The following CCDC3 variants were observed in gnomAD, a reference collection of about 807,000 sequenced individuals.
CCDC3 encodes the protein coiled-coil domain containing 3.
Under a neutral mutation model 21.4 loss-of-function variants are expected in CCDC3, and 24 were observed. The observed-to-expected ratio is 1.12, with a 90% CI of 0.81 to 1.58. The LOEUF (loss-of-function observed/expected upper bound fraction) is 1.58, where lower values mean the gene tolerates loss of function less well. CCDC3 is among the 40% of genes most tolerant of loss of function. The pLI is 0.00. For synonymous variants in CCDC3, 186 were observed against 166.0 expected (o/e 1.12, Z -0.93); for missense variants, 425 against 360.9 (o/e 1.18, Z -1.44).
chr10:13,045,305 G>C lies in CCDC3; in HGVS notation c.-2+4369C>G, dbSNP rs531021534. On this transcript the variant is annotated intron_variant, in intron 5 of 6. Coordinates refer to the CCDC3 transcript ENST00000378839. ...TCTCTGGACTGAATTACCATTATAG[G>C]TAGTGTTAATATGCAATTTATCAAA... Among the ~76,000 whole-genome samples, 5 of 152,248 alleles carry C rather than the reference G, an allele frequency of 3.3e-5. No homozygotes were observed. In the East Asian group the frequency reaches 7.7e-4, roughly 23 times the overall value.
intron 3 of CCDC3, among the ~76,000 whole-genome samples, chr10:13,080,856 G>T (rs923417971): frequency 2.0e-5 from 3 of 152,270 alleles, no homozygotes; most frequent in Admixed American, 6.5e-5. Context: ...GACAGTGGGG[G>T]CTTGGGCAGG....
In CCDC3 at chr10:13,040,755, G is replaced by A. The variant is rs530936033; in HGVS notation, c.-2+8919C>T. ...GTAAACAGCTGGAGCCAACCAATGA[G>A]GACAGGTAAGATAAATTCCAGGTTA... On this transcript the variant is annotated intron_variant, in intron 5 of 6. Transcript: ENST00000378839. Among the ~76,000 whole-genome samples, 118 of 151,110 alleles carry A rather than the reference G, an allele frequency of 7.8e-4. 1 individual carries two copies. The highest frequency in any genetic ancestry group is 2.5e-3 in the African/African-American group (104 of 40,954).
Position 12,950,031 on chromosome 10 carries a change from C to T in CCDC3, c.549+48307G>A, listed in dbSNP as rs371066896. On this transcript the variant is annotated intron_variant, in intron 2 of 2. Transcript: ENST00000378825. ...CACCTGTCACATCCAAGCCCATCAT[C>T]ACCTCCTGTGCTCATCTCTGCTGTC... Among the ~76,000 whole-genome samples the T allele has an allele frequency of 4.6e-4, 70 of 152,342 alleles. 1 individual carries two copies. Among genetic ancestry groups the T allele is most frequent in the African/African-American group, 1.6e-3 (68 of 41,580 alleles).
At chr10:12,984,291 A>G (rs1835553558) in intron 2 of CCDC3, among the ~76,000 whole-genome samples, 2 of 152,248 alleles carry the variant, frequency 1.3e-5, no homozygotes, top group South Asian at 4.1e-4. Flanking sequence ...AATGCCCAAT[A>G]AGCACCGTAA....
intron 5 of CCDC3, among the ~76,000 whole-genome samples, chr10:13,046,720 A>G (rs540518929): frequency 0.025 from 3,578 of 145,022 alleles, 79 homozygotes; most frequent in South Asian, 0.073. Flanking sequence ...AAAAAAAAAA[A>G]AAGAAGAAGA....
chr10:13,037,064 C>G (rs1295017937), intron 5 of CCDC3, among the ~76,000 whole-genome samples: 1 of 151,694 alleles, frequency 6.6e-6, no homozygotes, highest in Non-Finnish European at 1.5e-5. Flanking sequence ...GGATTATAGG[C>G]ATGAGTCACT....
intron 3 of CCDC3, among the ~76,000 whole-genome samples, chr10:13,082,301 C>T (rs1837051159): frequency 6.6e-6 from 1 of 152,228 alleles, no homozygotes; most frequent in Admixed American, 6.5e-5. Context: ...GACAGGCGGC[C>T]CTTCCCTGTT....
intron 4 of CCDC3, among the ~76,000 whole-genome samples, chr10:13,054,466 T>A (rs192806547): frequency 6.6e-6 from 1 of 152,188 alleles, no homozygotes. Context: ...TGCATTTCTG[T>A]CTCCCTCTGC....
chr10:13,040,213 C>T (rs1182592069), intron 5 of CCDC3, among the ~76,000 whole-genome samples: 2 of 152,038 alleles, frequency 1.3e-5, no homozygotes, highest in Non-Finnish European at 2.9e-5. Flanking sequence ...AAGTTTTTCA[C>T]GATACCCAGA....
At chr10:13,080,929 AG>A (rs1177551970) in intron 3 of CCDC3, among the ~76,000 whole-genome samples, 4 of 152,236 alleles carry the variant, frequency 2.6e-5, no homozygotes, top group Non-Finnish European at 5.9e-5. Context: ...CGAAACGCAC[AG>A]GGGTGATGAG....
rs138985053 is a variant in CCDC3 at position 12,937,081 on chromosome 10, G to T, written c.550-38402C>A. Among the ~76,000 whole-genome samples, 74 of 150,570 alleles carry T rather than the reference G, an allele frequency of 4.9e-4. No homozygotes were observed. The East Asian group carries it at 8.6e-3, about 17-fold the overall frequency. ...AACTCACAAAAGCCTAAGCCTGGGG[G>T]CCGGCCAATGGCTGGGTCCCTGTGG... On this transcript the variant is annotated intron_variant, in intron 2 of 2. Coordinates refer to ENST00000378825, the MANE Select transcript of CCDC3 (RefSeq NM_031455.4).
intron 4 of CCDC3, among the ~76,000 whole-genome samples, chr10:13,060,307 G>T (rs916348919): frequency 6.6e-6 from 1 of 152,134 alleles, no homozygotes; most frequent in African/African-American, 2.4e-5. Context: ...CAGGGAAGGG[G>T]ATTGGCTCTC....
intron 3 of CCDC3, among the ~76,000 whole-genome samples, chr10:13,090,024 T>G (rs1279514288): frequency 6.8e-6 from 1 of 146,322 alleles, no homozygotes; most frequent in Non-Finnish European, 1.5e-5. Context: ...GGCTGAGTAG[T>G]ATTCCGTTAG....
At chr10:13,093,410 G>A (rs1001278112) in intron 3 of CCDC3, among the ~76,000 whole-genome samples, 5 of 152,026 alleles carry the variant, frequency 3.3e-5, no homozygotes, top group South Asian at 2.1e-4. Flanking sequence ...CACAACACAC[G>A]GGAATTATGG....
chr10:12,946,895 T>C (rs773335546), intron 2 of CCDC3, among the ~76,000 whole-genome samples: 3 of 152,176 alleles, frequency 2.0e-5, no homozygotes, highest in Non-Finnish European at 4.4e-5. Flanking sequence ...AAAGATCCTG[T>C]CACTACATTC....
At chr10:13,093,402 C>T (rs947267219) in intron 3 of CCDC3, among the ~76,000 whole-genome samples, 2 of 152,114 alleles carry the variant, frequency 1.3e-5, no homozygotes, top group Admixed American at 1.3e-4. Flanking sequence ...GTCCCTCCCA[C>T]AACACACGGG....
chr10:13,031,825 G>A (rs1836308284), intron 5 of CCDC3, among the ~76,000 whole-genome samples: 1 of 152,082 alleles, frequency 6.6e-6, no homozygotes, highest in African/African-American at 2.4e-5. Flanking sequence ...TCAATAACAG[G>A]CTCTGAAATT....
chr10:12,971,266 C>T (rs11258095), intron 2 of CCDC3, among the ~76,000 whole-genome samples: 55,678 of 152,002 alleles, frequency 0.37, 10,879 homozygotes, highest in East Asian at 0.52. Context: ...GGGCATCGTG[C>T]GCAGCTGAAA....
chr10:13,093,027 T>A (rs1325403568), intron 3 of CCDC3, among the ~76,000 whole-genome samples: 1 of 37,532 alleles, frequency 2.7e-5, no homozygotes, highest in African/African-American at 8.3e-5. Flanking sequence ...ACCCCTCACC[T>A]TTTTTTTTTT....
Sources: gnomAD v4.1 joint callset for allele counts (sites outside exome capture counted in the v4.1 genomes callset) on GRCh38, gnomAD v4.1.1 for gene constraint, MANE v1.5 for transcripts, NCBI Gene and HGNC (gene_info 2026-07-23, HGNC 2026-07-21) for gene names.